The following RP1 variants were observed in gnomAD, a reference collection of about 807,000 sequenced individuals.
RP1 encodes the protein RP1 axonemal microtubule associated, also known as oxygen-regulated protein 1.
A neutral mutation model predicts 14.8 loss-of-function variants in RP1; 16 were observed. The observed-to-expected ratio is 1.08, with a 90% CI of 0.73 to 1.65. The LOEUF (loss-of-function observed/expected upper bound fraction) is 1.65, where lower values mean the gene tolerates loss of function less well. Among genes scored for constraint, RP1 ranks in the 40% most tolerant of loss-of-function variants. The pLI is 0.00. For synonymous variants in RP1, 876 were observed against 883.6 expected (o/e 0.99, Z 0.15); for missense variants, 2,631 against 2,535.0 (o/e 1.04, Z -0.81).
At chr8:54,656,520 G>A (rs1806758057) in intron 6 of RP1, among the ~76,000 whole-genome samples, 1 of 151,848 alleles carries the variant, frequency 6.6e-6, no homozygotes, top group South Asian at 2.1e-4. Context: ...CGTTCCTCCA[G>A]GGCTAAGAAA....
At chr8:54,603,864 C>T (rs1282564486) in intron 1 of RP1, among the ~76,000 whole-genome samples, 1 of 152,124 alleles carries the variant, frequency 6.6e-6, no homozygotes, top group Non-Finnish European at 1.5e-5. Flanking sequence ...TATAAGAATG[C>T]TTGTGATTTT....
intron 1 of RP1, among the ~76,000 whole-genome samples, chr8:54,601,074 A>G (rs1420564785): frequency 6.6e-6 from 1 of 152,204 alleles, no homozygotes; most frequent in Non-Finnish European, 1.5e-5. Flanking sequence ...ATTCTCTGCA[A>G]CTAATCTGAC....
intron 12 of RP1, among the ~76,000 whole-genome samples, chr8:54,690,378 A>G (rs1017487991): frequency 1.3e-5 from 2 of 152,048 alleles, no homozygotes; most frequent in African/African-American, 4.8e-5. Context: ...TACACTGGCC[A>G]GTTTTTCTAC....
At chr8:54,583,651 G>A (rs1394463891) in intron 1 of RP1, among the ~76,000 whole-genome samples, 1 of 152,140 alleles carries the variant, frequency 6.6e-6, no homozygotes, top group Non-Finnish European at 1.5e-5. Context: ...TCATTGATAA[G>A]CTATTAATTA....
rs143635795 is a variant in RP1, at chr8:54,740,830, A to G, written c.2808+1801A>G. ...AGGCCGAAGTGGAATGGATCACCTGAGGTCAGGAGTTGGAGACCAGCCTGG... is the reference window on the plus strand; with the variant it reads ...AGGCCGAAGTGGAATGGATCACCTGGGGTCAGGAGTTGGAGACCAGCCTGG... On this transcript the variant is annotated intron_variant, in intron 19 of 22. Coordinates refer to the RP1 transcript ENST00000636932. Among the ~76,000 whole-genome samples the G allele has an allele frequency of 0.017, 2,516 of 152,150 alleles. 145 individuals are homozygous for G. In the East Asian group the frequency reaches 0.18, roughly 11 times the overall value.
At chr8:54,846,417 C>T (rs933522871) in intron 25 of RP1, among the ~76,000 whole-genome samples, 5 of 152,174 alleles carry the variant, frequency 3.3e-5, no homozygotes, top group African/African-American at 7.2e-5. Flanking sequence ...ACAGCCCTTC[C>T]TAAGGAAAGT....
chr8:54,834,325 A>G (rs1266319247), intron 24 of RP1, among the ~76,000 whole-genome samples: 1 of 152,068 alleles, frequency 6.6e-6, no homozygotes, highest in Non-Finnish European at 1.5e-5. Flanking sequence ...AGAATATGAT[A>G]TTCTGTGCAG....
Position 54,699,562 on chromosome 8 carries a change from ACT to A in RP1, c.1814_1815del (p.Thr605ArgfsTer4). 7.3e-7 allele frequency: 1 copy of A among 1,375,854 alleles called. No homozygotes were observed. Among genetic ancestry groups the A allele is most frequent in the Non-Finnish European group, 9.5e-7 (1 of 1,049,262 alleles). 85.2% of individuals were successfully genotyped at this position (1,375,854 alleles called of 1,614,324 possible). On this transcript the variant is annotated frameshift_variant, in exon 13 of 23. Coordinates refer to the RP1 transcript ENST00000636932. LOFTEE classifies it high-confidence loss of function. Reference sequence around the variant, plus strand: ...TCTTGCTCTTGACAATGGCATTGTCACTGGAATGGTGTGTAGTAAATTTTCTT... The same window carrying A: ...TCTTGCTCTTGACAATGGCATTGTCAGGAATGGTGTGTAGTAAATTTTCTT...
intron 23 of RP1, among the ~76,000 whole-genome samples, chr8:54,778,257 A>G (rs1048494536): frequency 1.3e-5 from 2 of 151,490 alleles, no homozygotes; most frequent in East Asian, 1.9e-4. Flanking sequence ...GGTCCAGTAT[A>G]GGCATGAGAG....
At chr8:54,775,090 T>C (rs1448587162) in intron 23 of RP1, among the ~76,000 whole-genome samples, 2 of 151,868 alleles carry the variant, frequency 1.3e-5, no homozygotes, top group Non-Finnish European at 2.9e-5. Flanking sequence ...AAAAAATGTC[T>C]CCAGACATCA....
At chr8:54,782,864 G>A (rs1216232604) in intron 23 of RP1, among the ~76,000 whole-genome samples, 1 of 152,032 alleles carries the variant, frequency 6.6e-6, no homozygotes. Context: ...TATCACTGCA[G>A]CAGGAAGCTC....
At position 54,625,651 on chromosome 8, in the gene RP1, C is replaced by G. The variant is rs1350849334; in HGVS notation, c.1769C>G (p.Thr590Ser). The change falls in exon 4 of 4, where the codon ACT (threonine) becomes AGT (serine). Residue 590 changes from threonine to serine, a missense_variant. By Grantham distance (58) the Thr-to-Ser change is moderately conservative. Coordinates refer to ENST00000220676, the MANE Select transcript of RP1 (RefSeq NM_006269.2). Reference sequence around the variant, plus strand: ...GATTGTGTGGTATTGGACAACAAAACTGGTATCAAGAACTTCAAAACTTAT... The same window carrying G: ...GATTGTGTGGTATTGGACAACAAAAGTGGTATCAAGAACTTCAAAACTTAT... ...VVDCVVLDNK[T>S]GIKNFKTYGN... is the part of the protein sequence containing the mutation. 2 of 1,613,960 alleles carry G rather than the reference C, an allele frequency of 1.2e-6. No homozygotes were observed. Among genetic ancestry groups the G allele is most frequent in the East Asian group, 4.5e-5 (2 of 44,874 alleles).
At chr8:54,856,246 CAAAAT>C (rs1350143690) in intron 26 of RP1, among the ~76,000 whole-genome samples, 1 of 151,974 alleles carries the variant, frequency 6.6e-6, no homozygotes, top group Non-Finnish European at 1.5e-5. Flanking sequence ...CAAGGCAAAA[CAAAAT>C]AAAAGTGCTA....
chr8:54,802,793 C>G (rs905977226), intron 24 of RP1, among the ~76,000 whole-genome samples: 1 of 152,050 alleles, frequency 6.6e-6, no homozygotes, highest in Admixed American at 6.5e-5. Context: ...GAGTTAGTGC[C>G]CCGTTAAGCA....
Position 54,630,158 on chromosome 8 carries a change from CT to C in RP1, c.6277del (p.Cys2093ValfsTer14). Reference protein sequence around the residue: ...LNQVVRENINCHYFFEMLGQA... With the variant: ...LNQVVRENINXHYFFEMLGQA... ...ACCAAGTAGTAAGAGAAAATATCAA[CT>C]GTCATTACTTCTTTGAAATGCTTGG... On this transcript the variant is annotated frameshift_variant, in exon 4 of 4. Transcript: ENST00000220676. LOFTEE classifies it low-confidence loss of function (END_TRUNC). The C allele has an allele frequency of 7.4e-6, 12 of 1,613,810 alleles. No homozygotes were observed. Among genetic ancestry groups the C allele is most frequent in the Non-Finnish European group, 1.0e-5 (12 of 1,179,932 alleles).
At chr8:54,663,820 G>T in exon 7 of RP1, 1 of 1,528,490 alleles carries the variant, frequency 6.5e-7, no homozygotes, top group Non-Finnish European at 8.7e-7. Flanking sequence ...TATTTAGATC[G>T]AAGAGCTCCT....
chr8:54,816,083 A>T (rs1307003170), intron 24 of RP1, among the ~76,000 whole-genome samples: 1 of 152,132 alleles, frequency 6.6e-6, no homozygotes. Flanking sequence ...GCCTTAGGGG[A>T]TTCAGCTTAC....
chr8:54,867,318 T>G (rs1200636303), intron 28 of RP1, among the ~76,000 whole-genome samples: 1 of 152,232 alleles, frequency 6.6e-6, no homozygotes, highest in Admixed American at 6.5e-5. Context: ...CTTTTCTCAA[T>G]GCACTTCCAT....
chr8:54,693,912 T>C (rs1807785765), intron 12 of RP1, among the ~76,000 whole-genome samples: 1 of 152,174 alleles, frequency 6.6e-6, no homozygotes, highest in African/African-American at 2.4e-5. Flanking sequence ...TCAAAGGGAA[T>C]GCTTCCAGTT....
Sources: gnomAD v4.1 joint callset for allele counts (sites outside exome capture counted in the v4.1 genomes callset) on GRCh38, gnomAD v4.1.1 for gene constraint, MANE v1.5 for transcripts, NCBI Gene and HGNC (gene_info 2026-07-23, HGNC 2026-07-21) for gene names.